The following GRM8 variants were observed in gnomAD, a reference collection of about 807,000 sequenced individuals.
GRM8 encodes glutamate metabotropic receptor 8, also known as metabotropic glutamate receptor 8.
GRM8 carries 47 observed loss-of-function variants against 87.2 expected under a neutral mutation model. That is an observed-to-expected ratio of 0.54 (90% CI 0.43 to 0.69). The LOEUF (loss-of-function observed/expected upper bound fraction) is 0.69, where lower values mean the gene tolerates loss of function less well. GRM8 is among the 30% of genes least tolerant of loss of function. The pLI, the probability that GRM8 is intolerant of heterozygous loss-of-function variation, is 0.00. For synonymous variants in GRM8, 396 were observed against 404.5 expected, an observed-to-expected ratio of 0.98 and a Z score of 0.25; for missense variants, 1,019 against 1,139.2, an observed-to-expected ratio of 0.89 and a Z score of 1.52.
At chr7:126,474,678 G>T (rs1054927326) in intron 9 of GRM8, among the ~76,000 whole-genome samples, 1 of 152,156 alleles carries the variant, frequency 6.6e-6, no homozygotes, top group Non-Finnish European at 1.5e-5. Context: ...AAGCTACTGT[G>T]CTGCTATAGC....
At chr7:127,062,306 A>G (rs978453462) in intron 3 of GRM8, among the ~76,000 whole-genome samples, 1 of 152,230 alleles carries the variant, frequency 6.6e-6, no homozygotes, top group Non-Finnish European at 1.5e-5. Context: ...ATGACTAAAA[A>G]GGATACACCA....
intron 9 of GRM8, among the ~76,000 whole-genome samples, chr7:126,482,455 G>A (rs980426719): frequency 6.6e-6 from 1 of 151,888 alleles, no homozygotes; most frequent in African/African-American, 2.4e-5. Flanking sequence ...ACATACTATG[G>A]AATATTATTC....
chr7:126,914,484 G>A (rs779210336), intron 3 of GRM8, among the ~76,000 whole-genome samples: 3 of 152,114 alleles, frequency 2.0e-5, no homozygotes, highest in Non-Finnish European at 4.4e-5. Flanking sequence ...GTTCCCCACA[G>A]CACTATTACA....
intron 2 of GRM8, among the ~76,000 whole-genome samples, chr7:127,220,743 C>T (rs2116711308): frequency 6.6e-6 from 1 of 152,280 alleles, no homozygotes; most frequent in Non-Finnish European, 1.5e-5. Flanking sequence ...CCTATCTTGG[C>T]CTCCCAAGTA....
chr7:126,769,766 C>T, intron 7 of GRM8, 99 bp downstream of exon 7: 1 of 730,290 alleles, frequency 1.4e-6, no homozygotes, highest in Non-Finnish European at 2.4e-6. Flanking sequence ...TGCTTCTAAT[C>T]CTGTGTTTTC....
chr7:127,018,965 T>C (rs936486282), intron 3 of GRM8, among the ~76,000 whole-genome samples: 2 of 152,100 alleles, frequency 1.3e-5, no homozygotes, highest in Admixed American at 1.3e-4. Flanking sequence ...TATGGTTAAG[T>C]CAGTGTAGAC....
At chr7:126,876,733 T>C (rs771162057) in intron 6 of GRM8, among the ~76,000 whole-genome samples, 1 of 152,202 alleles carries the variant, frequency 6.6e-6, no homozygotes, top group African/African-American at 2.4e-5. Flanking sequence ...GCGTTTTCAA[T>C]GTGGCCTAAA....
chr7:126,803,217 G>A (rs1335219083), intron 6 of GRM8, among the ~76,000 whole-genome samples: 1 of 152,116 alleles, frequency 6.6e-6, no homozygotes, highest in Admixed American at 6.6e-5. Context: ...TACTAGTAAG[G>A]ACTTTGGAAC....
intron 6 of GRM8, among the ~76,000 whole-genome samples, chr7:126,843,507 ATCC>A (rs1796454668): frequency 6.6e-6 from 1 of 152,220 alleles, no homozygotes; most frequent in Non-Finnish European, 1.5e-5. Flanking sequence ...TCTTCATAGC[ATCC>A]TGCAAAAATG....
chr7:126,688,739 G>GACACACACACAC lies in GRM8; in HGVS notation c.1358-79253_1358-79242dup, dbSNP rs3831573. On this transcript the variant is annotated intron_variant, in intron 7 of 10. Transcript: ENST00000339582. ...CCCTATTTTCTCTCTCTCTCTTTCT[G>GACACACACACAC]ACACACACACACACACACACACACA... is the stretch of plus-strand genomic sequence containing the variant. Among the ~76,000 whole-genome samples, 551 of 145,808 alleles carry GACACACACACAC rather than the reference G, an allele frequency of 3.8e-3. 5 individuals carry two copies. The highest frequency in any genetic ancestry group is 8.6e-3 in the African/African-American group (339 of 39,206).
Position 126,533,474 on chromosome 7 carries a change from C to A in GRM8, c.1908G>T (p.Thr636=). Residue 636 remains threonine, a synonymous_variant, in exon 9 of 11, where the codon ACG becomes ACT. Coordinates refer to ENST00000339582, the MANE Select transcript of GRM8 (RefSeq NM_000845.3). ...TATCTGGTGCTGCAATCATTAAAAA[C>A]GTGATTGAATAACAGAGAAAAATCC... ...LTGIFLCYSI[T]FLMIAAPDTI... 6.2e-7 allele frequency: 1 copy of A among 1,614,034 alleles called. No individual in the cohort carries two copies. Among genetic ancestry groups the A allele is most frequent in the Non-Finnish European group, 8.5e-7 (1 of 1,180,008 alleles).
At chr7:126,686,550 A>C (rs1005080618) in intron 7 of GRM8, among the ~76,000 whole-genome samples, 6 of 152,174 alleles carry the variant, frequency 3.9e-5, no homozygotes, top group African/African-American at 9.7e-5. Context: ...AGCTGTTTGC[A>C]GTCCTCCTGG....
intron 6 of GRM8, among the ~76,000 whole-genome samples, chr7:126,861,513 GT>G (rs1472674788): frequency 1.4e-4 from 21 of 151,754 alleles, no homozygotes; most frequent in Admixed American, 1.2e-3. Flanking sequence ...CCCACCACTA[GT>G]ATTTGATAAT....
intron 9 of GRM8, among the ~76,000 whole-genome samples, chr7:126,529,426 GAAGTA>G (rs1814449540): frequency 6.6e-6 from 1 of 152,192 alleles, no homozygotes; most frequent in Non-Finnish European, 1.5e-5. Flanking sequence ...GTAAGAAGAG[GAAGTA>G]AAGTAAAGGG....
chr7:126,745,392 ATATAT>A lies in GRM8; in HGVS notation c.1357+24468_1357+24472del, dbSNP rs71312851. 7.5e-5 allele frequency among the ~76,000 whole-genome samples: 11 copies of A among 146,174 alleles called. No individual in the cohort carries two copies. The South Asian group carries it at 1.3e-3, about 17-fold the overall frequency. ...TTGTTATTCATATTAAGACATAGTC[ATATAT>A]TATATTATATTATATTATACTTGTT... On this transcript the variant is annotated intron_variant, in intron 7 of 10. Coordinates refer to ENST00000339582, the MANE Select transcript of GRM8 (RefSeq NM_000845.3).
intron 8 of GRM8, among the ~76,000 whole-genome samples, chr7:126,575,156 C>T (rs1259059466): frequency 6.6e-6 from 1 of 151,910 alleles, no homozygotes; most frequent in African/African-American, 2.4e-5. Flanking sequence ...GTGAGCAGCA[C>T]AAGCATTACT....
At chr7:126,658,940 G>C (rs1269473895) in intron 7 of GRM8, among the ~76,000 whole-genome samples, 3 of 152,002 alleles carry the variant, frequency 2.0e-5, no homozygotes, top group African/African-American at 7.3e-5. Context: ...CCGCAGCCTT[G>C]ACAAGCGGCC....
intron 8 of GRM8, among the ~76,000 whole-genome samples, chr7:126,605,906 G>A (rs554983760): frequency 2.6e-5 from 4 of 152,258 alleles, no homozygotes; most frequent in African/African-American, 9.6e-5. Context: ...CGCTAGAGTG[G>A]TTGGTCCGAG....
intron 9 of GRM8, among the ~76,000 whole-genome samples, chr7:126,513,082 T>C (rs1397932044): frequency 6.6e-6 from 1 of 152,182 alleles, no homozygotes; most frequent in Non-Finnish European, 1.5e-5. Context: ...GATACCTGTA[T>C]GTTTCAGACA....
Sources: allele counts gnomAD v4.1 joint callset (sites outside exome capture counted in the v4.1 genomes callset), GRCh38; gene constraint gnomAD v4.1.1; transcripts MANE v1.5; gene names NCBI Gene and HGNC (gene_info 2026-07-23, HGNC 2026-07-21).